The following CYTH1 variants were observed in gnomAD, a reference collection of about 807,000 sequenced individuals.
The protein encoded by CYTH1 is cytohesin-1.
CYTH1 carries 18 observed loss-of-function variants against 61.8 expected under a neutral mutation model. The observed-to-expected ratio is 0.29, with a 90% confidence interval of 0.20 to 0.43. The LOEUF is 0.43. Ranked by LOEUF, CYTH1 falls within the 20% of genes least tolerant of loss-of-function variation. The pLI is 1.00. For missense variants in CYTH1, 336 were observed against 510.5 expected (o/e 0.66, Z 3.29); for synonymous variants, 174 against 184.3 (o/e 0.94, Z 0.45).
intron 9 of CYTH1, 58 bp downstream of exon 9, chr17:78,698,205 GCACACA>G (rs2092966190): frequency 1.5e-6 from 2 of 1,343,354 alleles, no homozygotes; most frequent in Admixed American, 1.8e-5. Flanking sequence ...ACGCACACAC[GCACACA>G]CACCGCCTTT....
At chr17:78,684,971 C>T (rs1017789107) in intron 11 of CYTH1, among the ~76,000 whole-genome samples, 5 of 152,168 alleles carry the variant, frequency 3.3e-5, no homozygotes, top group African/African-American at 1.2e-4. Context: ...GAGGCTGAGG[C>T]GGGCAGATCA....
chr17:78,726,714 C>T (rs1009386142), intron 1 of CYTH1, among the ~76,000 whole-genome samples: 1 of 151,900 alleles, frequency 6.6e-6, no homozygotes, highest in Non-Finnish European at 1.5e-5. Flanking sequence ...AATTTGACAC[C>T]GAGACAGGTG....
intron 1 of CYTH1, among the ~76,000 whole-genome samples, chr17:78,778,431 A>G (rs530391918): frequency 4.2e-4 from 64 of 151,858 alleles, no homozygotes; most frequent in African/African-American, 1.5e-3. Flanking sequence ...TGAGGTCAGG[A>G]GTTTAAGACC....
chr17:78,692,096 G>T, intron 11 of CYTH1: 6 of 264,628 alleles, frequency 2.3e-5, no homozygotes, highest in Non-Finnish European at 2.9e-5. Flanking sequence ...CTCTTTCTCG[G>T]CAACCAATGC....
intron 10 of CYTH1, 55 bp from the exon 11 acceptor site, chr17:78,692,548 C>A: frequency 1.3e-6 from 2 of 1,535,160 alleles, no homozygotes; most frequent in Non-Finnish European, 1.8e-6. Flanking sequence ...CAAGTGCAGG[C>A]TCCACGACAC....
chr17:78,700,986 A>C lies in CYTH1; in HGVS notation c.438-543T>G, dbSNP rs1394313325. On this transcript the variant is annotated intron_variant, in intron 6 of 13. Coordinates refer to ENST00000446868, the MANE Select transcript of CYTH1 (RefSeq NM_004762.6). This position sits in a 1 kb window ranked among gnomAD's most constrained non-coding sequence, Gnocchi z 5.1. ...GGAAAAAGTGAAAAATTAGGAGGGA[A>C]ACAATCCCTACTGAGGAGTGGTTTC... Among the ~76,000 whole-genome samples, 1 of 152,276 alleles carries C rather than the reference A, an allele frequency of 6.6e-6. No homozygotes were observed. Among genetic ancestry groups the C allele is most frequent in the Non-Finnish European group, 1.5e-5 (1 of 68,048 alleles).
chr17:78,675,791 C>A lies in CYTH1; in HGVS notation c.*300G>T. 1 of 1,272,510 alleles carries A rather than the reference C, an allele frequency of 7.9e-7. No individual in the cohort carries two copies. Among genetic ancestry groups the A allele is most frequent in the Non-Finnish European group, 1.1e-6 (1 of 949,848 alleles). 78.8% of individuals were successfully genotyped at this position (1,272,510 alleles called of 1,614,324 possible). On this transcript the variant is annotated 3_prime_UTR_variant, in exon 14 of 14. Transcript: ENST00000446868. ...GGTAAACAGTTGGCTCTGAGCTCTG[C>A]TACCAGAACACTGAGCAGAGAAACT... is the stretch of plus-strand genomic sequence containing the variant.
chr17:78,761,976 T>C (rs1014536009), intron 1 of CYTH1, among the ~76,000 whole-genome samples: 1 of 152,194 alleles, frequency 6.6e-6, no homozygotes, highest in Admixed American at 6.5e-5. Context: ...AGTAACAGCA[T>C]CTGGCCTGCT....
intron 1 of CYTH1, among the ~76,000 whole-genome samples, chr17:78,765,866 T>C (rs2093446433): frequency 6.6e-6 from 1 of 152,106 alleles, no homozygotes; most frequent in South Asian, 2.1e-4. Flanking sequence ...ATCCAAGTCC[T>C]AAAGTCTATT....
At chr17:78,751,126 G>A (rs117781742) in intron 1 of CYTH1, among the ~76,000 whole-genome samples, 1 of 151,966 alleles carries the variant, frequency 6.6e-6, no homozygotes, top group African/African-American at 2.4e-5. Flanking sequence ...TGGAACCATG[G>A]GCGCATGGCG....
intron 2 of CYTH1, 56 bp from the exon 3 acceptor site, chr17:78,708,317 ACTT>A: frequency 6.6e-7 from 1 of 1,519,558 alleles, no homozygotes. Flanking sequence ...TCAAATTAAA[ACTT>A]CTAAAATCTC....
chr17:78,708,746 G>A (rs151165343), intron 2 of CYTH1, among the ~76,000 whole-genome samples: 84 of 152,378 alleles, frequency 5.5e-4, no homozygotes, highest in Admixed American at 1.0e-3. Flanking sequence ...CTGTGCATCC[G>A]CACCCACCCT....
intron 1 of CYTH1, among the ~76,000 whole-genome samples, chr17:78,776,389 G>A (rs950966716): frequency 1.3e-5 from 2 of 152,054 alleles, no homozygotes; most frequent in African/African-American, 2.4e-5. Context: ...AGGCGCAATG[G>A]CTCACACCTG....
At chr17:78,698,247 C>T (rs754647014) in intron 9 of CYTH1, 22 bp downstream of exon 9, 115 of 1,588,980 alleles carry the variant, frequency 7.2e-5, no homozygotes, top group Non-Finnish European at 9.5e-5. Flanking sequence ...CTTTAGGAGC[C>T]CTGACTCAGA....
intron 1 of CYTH1, among the ~76,000 whole-genome samples, chr17:78,747,145 C>CAAAA (rs56201341): frequency 6.7e-4 from 39 of 57,814 alleles, no homozygotes; most frequent in African/African-American, 1.7e-3. Context: ...ATGGCAGCGC[C>CAAAA]AAAAAAAAAA....
At chr17:78,694,740 A>G (rs1347067875) in intron 10 of CYTH1, among the ~76,000 whole-genome samples, 2 of 152,208 alleles carry the variant, frequency 1.3e-5, no homozygotes, top group East Asian at 3.8e-4. Context: ...TGCTAAAAGA[A>G]ACAAGATGGA....
chr17:78,774,297 A>C (rs907123934), intron 1 of CYTH1, among the ~76,000 whole-genome samples: 1 of 152,212 alleles, frequency 6.6e-6, no homozygotes, highest in African/African-American at 2.4e-5. Context: ...TATGTTCCAG[A>C]TTTTCTAAGA....
intron 1 of CYTH1, among the ~76,000 whole-genome samples, chr17:78,754,720 A>G (rs948188369): frequency 1.3e-5 from 2 of 151,704 alleles, no homozygotes; most frequent in African/African-American, 4.9e-5. Flanking sequence ...GTTTTATGTC[A>G]CTTTTTTAAG....
chr17:78,695,653 G>C (rs1201846109), intron 10 of CYTH1, among the ~76,000 whole-genome samples: 1 of 152,178 alleles, frequency 6.6e-6, no homozygotes, highest in Non-Finnish European at 1.5e-5. Context: ...CAATCAGGCT[G>C]ATTAATGGAC....
Sources: allele counts gnomAD v4.1 joint callset (sites outside exome capture counted in the v4.1 genomes callset), GRCh38; gene constraint gnomAD v4.1.1; non-coding constraint Gnocchi (gnomAD v3.1); transcripts MANE v1.5; gene names NCBI Gene and HGNC (gene_info 2026-07-23, HGNC 2026-07-21).